Variants in PHACTR1 observed in about 807,000 individuals in gnomAD.
PHACTR1 encodes phosphatase and actin regulator 1.
A neutral mutation model predicts 69.2 loss-of-function variants in PHACTR1; 16 were observed. The observed-to-expected ratio is 0.23, with a 90% confidence interval of 0.16 to 0.35. The LOEUF (loss-of-function observed/expected upper bound fraction) is 0.35, where lower values mean the gene tolerates loss of function less well. Ranked by LOEUF, PHACTR1 falls within the 10% of genes least tolerant of loss-of-function variation. The pLI, the probability that PHACTR1 is intolerant of heterozygous loss-of-function variation, is 1.00. For synonymous variants in PHACTR1, 312 were observed against 284.5 expected (o/e 1.10, Z -0.97); for missense variants, 510 against 734.7 (o/e 0.69, Z 3.54).
In PHACTR1 at chr6:13,028,717, A is replaced by G. The variant is rs374426186; in HGVS notation, c.251-24648A>G. ...TAGATGCCAGTAGCACCCACCTCCC[A>G]TTTGTGGCAACCATAAGTATCTCTA... On this transcript the variant is annotated intron_variant, in intron 4 of 14. Coordinates refer to ENST00000332995, the MANE Select transcript of PHACTR1 (RefSeq NM_030948.6). Among the ~76,000 whole-genome samples, 38 of 152,286 alleles carry G rather than the reference A, an allele frequency of 2.5e-4. No homozygotes were observed. In the East Asian group the frequency reaches 6.5e-3, roughly 26 times the overall value.
chr6:12,738,169 T>TG (rs1334102770), intron 3 of PHACTR1, among the ~76,000 whole-genome samples: 1 of 152,198 alleles, frequency 6.6e-6, no homozygotes, highest in African/African-American at 2.4e-5. Context: ...ACACTGGCAT[T>TG]TGTGAAAAAT....
At chr6:12,719,677 G>A (rs1761856500) in intron 3 of PHACTR1, among the ~76,000 whole-genome samples, 1 of 152,228 alleles carries the variant, frequency 6.6e-6, no homozygotes, top group Non-Finnish European at 1.5e-5. Flanking sequence ...TCACAAAGCA[G>A]AGCTGAGAAG....
At chr6:13,052,466 A>G (rs952550660) in intron 4 of PHACTR1, among the ~76,000 whole-genome samples, 3 of 152,178 alleles carry the variant, frequency 2.0e-5, no homozygotes, top group Non-Finnish European at 4.4e-5. Flanking sequence ...CATGCTCTCA[A>G]TTTTGCCAAA....
chr6:12,722,410 A>C (rs1762241457), intron 3 of PHACTR1, among the ~76,000 whole-genome samples: 1 of 152,164 alleles, frequency 6.6e-6, no homozygotes, highest in Non-Finnish European at 1.5e-5. Context: ...TCATGTGCAA[A>C]ATCTTTATCC....
intron 7 of PHACTR1, chr6:13,196,507 G>A (rs912759072): frequency 7.5e-5 from 13 of 173,840 alleles, no homozygotes; most frequent in Admixed American, 5.7e-4. Context: ...TGCAACCTCC[G>A]CTTCCCAGGT....
chr6:12,967,945 T>C (rs2127577060), intron 4 of PHACTR1, among the ~76,000 whole-genome samples: 1 of 152,366 alleles, frequency 6.6e-6, no homozygotes, highest in East Asian at 1.9e-4. Flanking sequence ...TGCCAAGAGC[T>C]AACAGACGCC....
At chr6:13,213,914 C>T (rs1227684907) in intron 8 of PHACTR1, 2 of 152,264 alleles carry the variant, frequency 1.3e-5, no homozygotes, top group African/African-American at 4.8e-5. Context: ...GCCATAGTAC[C>T]TGTCATGTAG....
chr6:13,250,084 C>T (rs544434103), intron 10 of PHACTR1, among the ~76,000 whole-genome samples: 3 of 152,300 alleles, frequency 2.0e-5, no homozygotes, highest in East Asian at 3.9e-4. Flanking sequence ...TGGCTGCTTA[C>T]ACACCATAAT....
At chr6:13,269,401 G>A (rs1399610835) in intron 10 of PHACTR1, among the ~76,000 whole-genome samples, 1 of 152,210 alleles carries the variant, frequency 6.6e-6, no homozygotes, top group Non-Finnish European at 1.5e-5. Flanking sequence ...CTCCTGCAGC[G>A]TGAGAATGCT....
At chr6:13,200,778 G>GA (rs1221983286) in intron 7 of PHACTR1, among the ~76,000 whole-genome samples, 3,235 of 138,898 alleles carry the variant, frequency 0.023, 56 homozygotes, top group Non-Finnish European at 0.038. Flanking sequence ...TACTAAAAAT[G>GA]AAAAAAAAAA....
chr6:12,995,175 A>G (rs1562107847), intron 4 of PHACTR1, among the ~76,000 whole-genome samples: 1 of 152,062 alleles, frequency 6.6e-6, no homozygotes, highest in South Asian at 2.1e-4. Flanking sequence ...GGATTTCAGC[A>G]TTCTGGGCTT....
At chr6:13,166,586 T>TCAGTTTTATG (rs1446985930) in intron 6 of PHACTR1, among the ~76,000 whole-genome samples, 3 of 152,346 alleles carry the variant, frequency 2.0e-5, no homozygotes, top group South Asian at 4.1e-4. Context: ...CCTTATTTAT[T>TCAGTTTTATG]CAGTTTTATG....
At chr6:13,098,306 C>T (rs1814608313) in intron 5 of PHACTR1, among the ~76,000 whole-genome samples, 1 of 152,182 alleles carries the variant, frequency 6.6e-6, no homozygotes, top group Non-Finnish European at 1.5e-5. Flanking sequence ...AGGCCCTCTT[C>T]TCTTGGCTTC....
intron 5 of PHACTR1, among the ~76,000 whole-genome samples, chr6:13,097,788 C>T (rs1200838042): frequency 1.3e-5 from 2 of 152,124 alleles, no homozygotes; most frequent in African/African-American, 2.4e-5. Flanking sequence ...CCCAGGTCTC[C>T]TCCTTTCCAT....
At position 12,768,200 on chromosome 6, in the gene PHACTR1, C is replaced by T. The variant is rs948515008; in HGVS notation, c.250+18410C>T. ...CGCGATCTCGGCTCACTGCAAGCTC[C>T]GCCTCCGGGGTTCACACCATTCTCC... On this transcript the variant is annotated intron_variant, in intron 4 of 14. Transcript: ENST00000332995. Among the ~76,000 whole-genome samples, 6 of 150,838 alleles carry T rather than the reference C, an allele frequency of 4.0e-5. No homozygotes were observed. The South Asian group carries it at 6.3e-4, about 16-fold the overall frequency.
chr6:13,262,308 G>A (rs181202322), intron 10 of PHACTR1, among the ~76,000 whole-genome samples: 3 of 152,332 alleles, frequency 2.0e-5, no homozygotes, highest in Admixed American at 6.5e-5. Context: ...AGAGGAAGAT[G>A]TATGGGGGAA....
Position 13,278,324 on chromosome 6 carries a change from C to A in PHACTR1, c.1504C>A (p.Arg502=). ...GAGAGAGATCAAGAGGAGGCTAACC[C>A]GAAAGGTAGGTGGTTCTCCATGCCA... The part of the protein sequence containing the change: ...EKREIKRRLT[R]KLSQRPTVEE... Residue 502 remains arginine (R), a synonymous_variant, in exon 12 of 15, where the codon CGA becomes AGA. Coordinates refer to ENST00000332995, the MANE Select transcript of PHACTR1 (RefSeq NM_030948.6). 11 of 1,597,878 alleles carry A rather than the reference C, an allele frequency of 6.9e-6. No homozygotes were observed. The highest frequency in any genetic ancestry group is 9.4e-6 in the Non-Finnish European group (11 of 1,172,072).
At chr6:13,087,894 A>C (rs974179109) in intron 5 of PHACTR1, among the ~76,000 whole-genome samples, 2 of 151,962 alleles carry the variant, frequency 1.3e-5, no homozygotes, top group Non-Finnish European at 2.9e-5. Flanking sequence ...CAGTCCTCCC[A>C]CCTTGGCCTC....
At chr6:12,847,218 A>G (rs1779373503) in intron 4 of PHACTR1, among the ~76,000 whole-genome samples, 1 of 152,238 alleles carries the variant, frequency 6.6e-6, no homozygotes, top group Admixed American at 6.5e-5. Flanking sequence ...CACACCTGGT[A>G]TAATCACATT....
Sources: allele counts gnomAD v4.1 joint callset (sites outside exome capture counted in the v4.1 genomes callset), GRCh38; gene constraint gnomAD v4.1.1; transcripts MANE v1.5; gene names NCBI Gene and HGNC (gene_info 2026-07-23, HGNC 2026-07-21).